NME9: variants seen among roughly 807,000 people sequenced by gnomAD.
NME9 encodes NME/NM23 family member 9, also known as thioredoxin domain-containing protein 6.
NME9 carries 48 observed loss-of-function variants against 44.4 expected under a neutral mutation model. That is an observed-to-expected ratio of 1.08 (90% CI 0.86 to 1.37). The LOEUF (loss-of-function observed/expected upper bound fraction) is 1.37. Ranked by LOEUF, NME9 falls within the 40% of genes most tolerant of loss-of-function variation. The pLI is 0.00. For synonymous variants in NME9, 139 were observed against 147.1 expected, an observed-to-expected ratio of 0.94 and a Z score of 0.40; for missense variants, 325 against 405.2, an observed-to-expected ratio of 0.80 and a Z score of 1.70.
chr3:138,301,753 A>G (rs1003664039), intron 10 of NME9, 49 bp from the exon 11 acceptor site: 1 of 1,419,614 alleles, frequency 7.0e-7, no homozygotes, highest in Non-Finnish European at 9.6e-7. Context: ...GCCCTGTCCC[A>G]GACCTTCTGT....
At chr3:138,321,836 G>T (rs892920959) in intron 2 of NME9, among the ~76,000 whole-genome samples, 5 of 151,696 alleles carry the variant, frequency 3.3e-5, no homozygotes, top group African/African-American at 1.2e-4. Context: ...CAGAGAAAAA[G>T]AACTAGCGAG....
Position 138,301,586 on chromosome 3 carries a change from T to TA in NME9, c.*53_*54insT. Reference sequence around the variant, plus strand: ...AGAGTAAGTTCCGATTCCGGAGGTCTGTTTTGTGCAGTAGACCCCTGGTCA... The same window carrying TA: ...AGAGTAAGTTCCGATTCCGGAGGTCTAGTTTTGTGCAGTAGACCCCTGGTCA... On this transcript the variant is annotated 3_prime_UTR_variant, in exon 11 of 11. Transcript: ENST00000333911. The TA allele has an allele frequency of 3.3e-6, 5 of 1,531,830 alleles. No homozygotes were observed. Among genetic ancestry groups the TA allele is most frequent in the Non-Finnish European group, 4.4e-6 (5 of 1,145,480 alleles). The allele number at this position is 1,531,830 out of a possible 1,614,324, so 94.9% of individuals were successfully genotyped here.
In NME9 at chr3:138,314,354, A is replaced by G. The variant is rs2108447917; in HGVS notation, c.438T>C (p.Asn146=). 1 of 1,607,976 alleles carries G rather than the reference A, an allele frequency of 6.2e-7. No individual in the cohort carries two copies. The highest frequency in any genetic ancestry group is 8.5e-7 in the Non-Finnish European group (1 of 1,175,184). Residue 146 remains asparagine (N), a synonymous_variant, in exon 6 of 11, where the codon AAT becomes AAC. Coordinates refer to ENST00000333911, the MANE Select transcript of NME9 (RefSeq NM_001349018.2). The stretch of plus-strand genomic sequence containing the variant: ...CACCCATGTCCTCATCTTCACCATT[A>G]TTCTTTCCATGGGAAACACATTCAT... ...DEDECVSHGK[N]NGEDEDMVSS...
chr3:138,285,575 A>G (rs2050329582), intron 8 of NME9, among the ~76,000 whole-genome samples: 1 of 152,064 alleles, frequency 6.6e-6, no homozygotes, highest in African/African-American at 2.4e-5. Context: ...CTGAACTTAT[A>G]CTTTCTTACT....
intron 5 of NME9, 25 bp downstream of exon 5, chr3:138,315,502 G>A: frequency 2.0e-6 from 3 of 1,481,986 alleles, no homozygotes; most frequent in Non-Finnish European, 2.7e-6. Context: ...TGAGTTAGCT[G>A]CTTATAGAAG....
In NME9 at chr3:138,329,669, C is replaced by T; in HGVS notation, c.-334G>A. The T allele has an allele frequency of 8.1e-7, 1 of 1,230,350 alleles. No individual in the cohort carries two copies. The highest frequency in any genetic ancestry group is 1.0e-6 in the Non-Finnish European group (1 of 982,842). The allele number at this position is 1,230,350 out of a possible 1,614,324, so 76.2% of individuals were successfully genotyped here. A position where few individuals can be genotyped will look rare whatever the true frequency, so the allele number is the denominator to read the frequency against. On this transcript the variant is annotated 5_prime_UTR_variant, in exon 1 of 11. Transcript: ENST00000333911. ...AGTCAGTGCGCCGGGCGCGGTGCAG[C>T]CTGTCGGGCACAGGGTCGCCAGTCG...
chr3:138,279,655 A>G (rs2049680337), intron 8 of NME9, among the ~76,000 whole-genome samples: 1 of 152,230 alleles, frequency 6.6e-6, no homozygotes, highest in Non-Finnish European at 1.5e-5. Context: ...ACCAGTTGGA[A>G]TCATCTGGAT....
intron 8 of NME9, among the ~76,000 whole-genome samples, chr3:138,273,397 T>A (rs976578654): frequency 2.6e-5 from 4 of 152,220 alleles, no homozygotes; most frequent in Admixed American, 6.5e-5. Context: ...TACCTTGATT[T>A]GTTACTTTTT....
In NME9 at chr3:138,261,500, A is replaced by T. The variant is rs374729352; in HGVS notation, c.*1040T>A. 2.6e-5 allele frequency: 4 copies of T among 152,292 alleles called. No individual in the cohort carries two copies. In the East Asian group the frequency reaches 7.7e-4, roughly 29 times the overall value. 9.4% of individuals were successfully genotyped at this position (152,292 alleles called of 1,614,324 possible). A position where few individuals can be genotyped will look rare whatever the true frequency, so the allele number is the denominator to read the frequency against. On this transcript the variant is annotated 3_prime_UTR_variant, in exon 9 of 9. Transcript: ENST00000317876. ...TAGGCAATCAGAAGTATGGAGCTAGAGGTCAGGAAAGAACTCTAGGACAGA... is the reference window on the plus strand; with the variant it reads ...TAGGCAATCAGAAGTATGGAGCTAGTGGTCAGGAAAGAACTCTAGGACAGA...
At chr3:138,298,125 TG>T (rs1281246289), downstream of NME9, 6 of 152,244 alleles carry the variant, frequency 3.9e-5, no homozygotes, top group Admixed American at 6.5e-5. Flanking sequence ...AGCAAGGAAG[TG>T]GGAAGAGTGG....
chr3:138,278,212 A>G (rs926791066), intron 8 of NME9, among the ~76,000 whole-genome samples: 4 of 152,146 alleles, frequency 2.6e-5, no homozygotes, highest in African/African-American at 9.7e-5. Flanking sequence ...AAGATTCTAT[A>G]TATACATTTG....
chr3:138,305,160 C>T, intron 8 of NME9, 133 bp from the exon 9 acceptor site: 1 of 755,764 alleles, frequency 1.3e-6, no homozygotes, highest in Non-Finnish European at 2.2e-6. Flanking sequence ...ATGCCCGTGG[C>T]CACTCAGCCA....
intron 6 of NME9, among the ~76,000 whole-genome samples, chr3:138,312,374 CA>C (rs1471720748): frequency 1.3e-5 from 2 of 152,148 alleles, no homozygotes; most frequent in Admixed American, 6.5e-5. Flanking sequence ...GATTATACTA[CA>C]AAGCTATAGT....
chr3:138,315,725 T>A, intron 4 of NME9, 82 bp from the exon 5 acceptor site: 1 of 1,143,534 alleles, frequency 8.7e-7, no homozygotes, highest in Non-Finnish European at 1.2e-6. Flanking sequence ...TCTAGGAGTG[T>A]CCCCAAGTTC....
chr3:138,320,972 T>C (rs936279453), intron 2 of NME9, among the ~76,000 whole-genome samples: 2 of 152,166 alleles, frequency 1.3e-5, no homozygotes, highest in African/African-American at 2.4e-5. Flanking sequence ...TTGTAAGAAA[T>C]AAATTTCTGT....
At chr3:138,320,349 A>T (rs1224525401) in intron 2 of NME9, among the ~76,000 whole-genome samples, 1 of 152,192 alleles carries the variant, frequency 6.6e-6, no homozygotes, top group Non-Finnish European at 1.5e-5. Context: ...CATATTTTAG[A>T]AGAGGGATAT....
At chr3:138,321,211 T>G (rs2053443075) in intron 2 of NME9, among the ~76,000 whole-genome samples, 1 of 152,234 alleles carries the variant, frequency 6.6e-6, no homozygotes, top group Non-Finnish European at 1.5e-5. Context: ...AGTCCATTTA[T>G]GCTGCTATAA....
At chr3:138,268,362 C>T (rs2048471543) in intron 8 of NME9, among the ~76,000 whole-genome samples, 1 of 152,176 alleles carries the variant, frequency 6.6e-6, no homozygotes, top group African/African-American at 2.4e-5. Context: ...AAAGGCAAAA[C>T]AGACACCAGA....
intron 8 of NME9, chr3:138,274,372 T>G (rs1253314712): frequency 1.1e-6 from 1 of 932,498 alleles, no homozygotes; most frequent in Non-Finnish European, 1.7e-6. Flanking sequence ...ATCATATTGT[T>G]TTAACTTTTA....
Sources: gnomAD v4.1 joint callset for allele counts (sites outside exome capture counted in the v4.1 genomes callset) on GRCh38, gnomAD v4.1.1 for gene constraint, MANE v1.5 for transcripts, NCBI Gene and HGNC (gene_info 2026-07-23, HGNC 2026-07-21) for gene names.